The following SETBP1 variants were observed in gnomAD, a reference collection of about 807,000 sequenced individuals.
SETBP1 encodes SET-binding protein.
Under a neutral mutation model 101.0 loss-of-function variants are expected in SETBP1, and 9 were observed. The ratio of observed to expected loss-of-function variants is 0.09; its 90% CI spans 0.05 to 0.16. SETBP1 has a LOEUF of 0.16. Ranked by LOEUF, SETBP1 falls within the 10% of genes least tolerant of loss-of-function variation. The pLI is 1.00. For synonymous variants in SETBP1, 818 were observed against 788.5 expected, an observed-to-expected ratio of 1.04 and a Z score of -0.63; for missense variants, 1,858 against 2,033.8, an observed-to-expected ratio of 0.91 and a Z score of 1.66.
intron 4 of SETBP1, among the ~76,000 whole-genome samples, chr18:45,021,166 T>C (rs868542360): frequency 6.6e-6 from 1 of 152,222 alleles, no homozygotes; most frequent in Admixed American, 6.5e-5. Flanking sequence ...ACAACACATA[T>C]CAATTCAGTG....
chr18:44,831,937 C>G (rs1252211574), intron 2 of SETBP1, among the ~76,000 whole-genome samples: 1 of 152,180 alleles, frequency 6.6e-6, no homozygotes, highest in African/African-American at 2.4e-5. Flanking sequence ...TGTGTTTTCA[C>G]TCTTGCTGTC....
At chr18:44,886,292 C>T (rs144843499) in intron 3 of SETBP1, among the ~76,000 whole-genome samples, 111 of 152,194 alleles carry the variant, frequency 7.3e-4, no homozygotes, top group African/African-American at 2.4e-3. Context: ...CCATCCCATT[C>T]CAGTAGAGAT....
At chr18:44,997,616 C>T (rs1224406029) in intron 4 of SETBP1, among the ~76,000 whole-genome samples, 1 of 152,060 alleles carries the variant, frequency 6.6e-6, no homozygotes, top group Non-Finnish European at 1.5e-5. Flanking sequence ...AAATGGATAC[C>T]ATATCTTTAA....
chr18:44,921,868 G>A (rs1432731011), intron 3 of SETBP1, among the ~76,000 whole-genome samples: 1 of 152,194 alleles, frequency 6.6e-6, no homozygotes, highest in Non-Finnish European at 1.5e-5. Context: ...GCAAGCAAGA[G>A]TAACACAGCA....
intron 3 of SETBP1, among the ~76,000 whole-genome samples, chr18:44,894,238 T>C (rs1275013347): frequency 6.6e-6 from 1 of 152,186 alleles, no homozygotes; most frequent in Non-Finnish European, 1.5e-5. Flanking sequence ...AATGGTACTC[T>C]CTTTTTCTGA....
At chr18:44,883,691 T>A (rs2069580647) in intron 3 of SETBP1, among the ~76,000 whole-genome samples, 1 of 152,222 alleles carries the variant, frequency 6.6e-6, no homozygotes, top group Non-Finnish European at 1.5e-5. Context: ...TTTCTTATAC[T>A]TGGTGAGCAC....
intron 3 of SETBP1, among the ~76,000 whole-genome samples, chr18:44,926,447 T>C (rs1011653266): frequency 6.6e-6 from 1 of 152,168 alleles, no homozygotes; most frequent in African/African-American, 2.4e-5. Flanking sequence ...CGCAGAAAGA[T>C]GTTTCCCTGA....
intron 2 of SETBP1, among the ~76,000 whole-genome samples, chr18:44,781,351 A>T (rs377285425): frequency 1.3e-5 from 2 of 152,148 alleles, no homozygotes; most frequent in South Asian, 4.1e-4. Flanking sequence ...GATTTCACAC[A>T]TGGTATTCTG....
chr18:45,020,275 A>AAAAG (rs2073032055), intron 4 of SETBP1, among the ~76,000 whole-genome samples: 1 of 141,800 alleles, frequency 7.1e-6, no homozygotes, highest in Non-Finnish European at 1.5e-5. Context: ...AAAAAAAAAA[A>AAAAG]AAAAAAAAAA....
At chr18:44,967,914 T>A (rs760746629) in intron 4 of SETBP1, among the ~76,000 whole-genome samples, 1 of 152,210 alleles carries the variant, frequency 6.6e-6, no homozygotes, top group South Asian at 2.1e-4. Flanking sequence ...GAGAGGAAGA[T>A]CCTAGCATTT....
At chr18:44,877,430 T>TTTC (rs1649973519) in intron 3 of SETBP1, 1 of 960,584 alleles carries the variant, frequency 1.0e-6, no homozygotes, top group African/African-American at 1.8e-5. Flanking sequence ...TATTTGTCTT[T>TTTC]TTCTTCTACA....
At chr18:44,786,296 A>G (rs1341455906) in intron 2 of SETBP1, among the ~76,000 whole-genome samples, 1 of 152,220 alleles carries the variant, frequency 6.6e-6, no homozygotes, top group Non-Finnish European at 1.5e-5. Flanking sequence ...ATTTGCATAA[A>G]GAAGACACAC....
chr18:44,936,135 G>A (rs2070950730), intron 3 of SETBP1, among the ~76,000 whole-genome samples: 1 of 152,174 alleles, frequency 6.6e-6, no homozygotes, highest in Admixed American at 6.5e-5. Flanking sequence ...TCTGAATCAG[G>A]ACTGCACCCT....
chr18:44,976,126 T>G (rs1181467571), intron 4 of SETBP1, among the ~76,000 whole-genome samples: 3 of 139,882 alleles, frequency 2.1e-5, no homozygotes, highest in Non-Finnish European at 4.7e-5. Flanking sequence ...AGACTCATAC[T>G]CCTATGCACA....
chr18:44,873,380 T>C (rs774878489), intron 3 of SETBP1, among the ~76,000 whole-genome samples: 14 of 152,258 alleles, frequency 9.2e-5, no homozygotes, highest in Non-Finnish European at 2.1e-4. Context: ...AGACAATGCA[T>C]GTGAAAGTAG....
At chr18:44,912,881 G>T (rs2070345407) in intron 3 of SETBP1, among the ~76,000 whole-genome samples, 1 of 152,122 alleles carries the variant, frequency 6.6e-6, no homozygotes, top group Admixed American at 6.6e-5. Flanking sequence ...AAATAACCAA[G>T]GATGCAGTGG....
At chr18:44,930,248 G>A (rs1212686601) in intron 3 of SETBP1, among the ~76,000 whole-genome samples, 2 of 152,152 alleles carry the variant, frequency 1.3e-5, no homozygotes, top group Non-Finnish European at 2.9e-5. Context: ...TTATGGATTT[G>A]CATATGTTGA....
intron 2 of SETBP1, among the ~76,000 whole-genome samples, chr18:44,826,642 T>TGTTGTTGTC (rs762176298): frequency 9.9e-5 from 15 of 152,040 alleles, no homozygotes; most frequent in Non-Finnish European, 1.3e-4. Flanking sequence ...TTCCTGTTCC[T>TGTTGTTGTC]GTTGTTGTCG....
chr18:44,822,320 G>T (rs1183790947), intron 2 of SETBP1, among the ~76,000 whole-genome samples: 2 of 152,186 alleles, frequency 1.3e-5, no homozygotes, highest in Non-Finnish European at 2.9e-5. Flanking sequence ...GAAGTTAGAA[G>T]TTTCTGAGAG....
Sources: gnomAD v4.1 joint callset for allele counts (sites outside exome capture counted in the v4.1 genomes callset) on GRCh38, gnomAD v4.1.1 for gene constraint, MANE v1.5 for transcripts, NCBI Gene and HGNC (gene_info 2026-07-23, HGNC 2026-07-21) for gene names.